The following CEP57 variants were observed in gnomAD, a reference collection of about 807,000 sequenced individuals.
CEP57 encodes the protein centrosomal protein 57.
CEP57 carries 40 observed loss-of-function variants against 68.0 expected under a neutral mutation model. The ratio of observed to expected loss-of-function variants is 0.59; its 90% CI spans 0.46 to 0.77. CEP57 has a LOEUF of 0.77. Among genes scored for constraint, CEP57 ranks in the 30% least tolerant of loss-of-function variants. The pLI, the probability that CEP57 is intolerant of heterozygous loss-of-function variation, is 0.00. For missense variants in CEP57, 606 were observed against 580.7 expected (o/e 1.04, Z -0.45); for synonymous variants, 219 against 198.7 (o/e 1.10, Z -0.86).
intron 2 of CEP57, among the ~76,000 whole-genome samples, chr11:95,810,130 GCCTTCAACAAAATTCAGCAGC>G (rs1461013133): frequency 1.3e-5 from 2 of 152,078 alleles, no homozygotes; most frequent in African/African-American, 2.4e-5. Context: ...TGCAGAAAAG[GCCTTCAACAAAATTCAGCAGC>G]CCTTCATGCT....
At chr11:95,822,826 T>C (rs1862571218) in intron 8 of CEP57, 1 of 485,826 alleles carries the variant, frequency 2.1e-6, no homozygotes, top group Non-Finnish European at 3.8e-6. Flanking sequence ...AGACCCTAAG[T>C]TGAAGAAGGT....
At chr11:95,799,883 C>A (rs929505798) in intron 2 of CEP57, among the ~76,000 whole-genome samples, 1 of 152,186 alleles carries the variant, frequency 6.6e-6, no homozygotes, top group Non-Finnish European at 1.5e-5. Flanking sequence ...TCATAGCTTA[C>A]ATAATAAATT....
chr11:95,813,526 G>A lies in CEP57; in HGVS notation c.441G>A (p.Leu147=), dbSNP rs1466397089. 5.6e-6 allele frequency: 9 copies of A among 1,612,976 alleles called. No homozygotes were observed. The highest frequency in any genetic ancestry group is 7.6e-6 in the Non-Finnish European group (9 of 1,179,880). ...ENKCNLLEKQ[L]EYMRNMIKHA... ...AATGCAATCTATTAGAAAAACAATT[G>A]GAATACATGCGAAATATGATAAAGC... Residue 147 remains leucine (L), a synonymous_variant, in exon 4 of 11, where the codon TTG becomes TTA. Transcript: ENST00000325542.
rs1325758115 is a variant in CEP57, at chr11:95,821,871, T to C, written c.700T>C (p.Leu234=). The change falls in exon 7 of 11, where the codon TTG becomes CTG. Residue 234 remains leucine, a splice_region_variant and synonymous_variant. Transcript: ENST00000325542. ...RKRMQAKAAE[L]QTGLETNRLI... ...AACTTGAGGCTCTCATTTTTCCTAG[T>C]TGCAGACTGGTCTAGAAACAAATAG... The C allele has an allele frequency of 6.2e-7, 1 of 1,602,370 alleles. No individual in the cohort carries two copies. Among genetic ancestry groups the C allele is most frequent in the Admixed American group, 1.7e-5 (1 of 59,970 alleles).
At chr11:95,792,303 G>A (rs1861121869) in intron 1 of CEP57, among the ~76,000 whole-genome samples, 1 of 152,162 alleles carries the variant, frequency 6.6e-6, no homozygotes, top group South Asian at 2.1e-4. Flanking sequence ...CAAAAGTTAA[G>A]CACTTGGAGA....
chr11:95,828,572 G>C (rs1862857739), intron 9 of CEP57, among the ~76,000 whole-genome samples: 1 of 152,150 alleles, frequency 6.6e-6, no homozygotes, highest in Non-Finnish European at 1.5e-5. Flanking sequence ...TCTGGCACCT[G>C]ACATCACATT....
chr11:95,791,185 AGTC>A (rs1311302418), intron 1 of CEP57, among the ~76,000 whole-genome samples: 1 of 152,096 alleles, frequency 6.6e-6, no homozygotes, highest in Non-Finnish European at 1.5e-5. Flanking sequence ...AGCGCTTACT[AGTC>A]GTTGCTTATG....
intron 2 of CEP57, among the ~76,000 whole-genome samples, chr11:95,802,797 C>T (rs184362088): frequency 3.0e-3 from 452 of 152,214 alleles, no homozygotes; most frequent in Non-Finnish European, 4.6e-3. Flanking sequence ...CCTCACAGGC[C>T]CTGGGAAAGG....
At chr11:95,816,301 C>T (rs1169746622) in intron 4 of CEP57, among the ~76,000 whole-genome samples, 4 of 152,170 alleles carry the variant, frequency 2.6e-5, no homozygotes, top group Non-Finnish European at 5.9e-5. Context: ...GGAACCACCA[C>T]GATGATCTAA....
chr11:95,815,196 G>C (rs1257060226), intron 4 of CEP57: 1 of 152,192 alleles, frequency 6.6e-6, no homozygotes, highest in Non-Finnish European at 1.5e-5. Flanking sequence ...TCAGCTTTCA[G>C]TTCTCATTGG....
At chr11:95,804,868 T>C (rs954203297) in intron 2 of CEP57, among the ~76,000 whole-genome samples, 1 of 136,782 alleles carries the variant, frequency 7.3e-6, no homozygotes, top group African/African-American at 3.7e-5. Flanking sequence ...ATGGGTGTGA[T>C]TTTTTTCCTT....
At chr11:95,790,777 C>T in intron 1 of CEP57, 34 bp downstream of exon 1, 1 of 1,611,746 alleles carries the variant, frequency 6.2e-7, no homozygotes, top group South Asian at 1.1e-5. Flanking sequence ...GGCCCCACGT[C>T]GGCCCTAAGC....
chr11:95,803,215 A>G (rs1351417410), intron 2 of CEP57, among the ~76,000 whole-genome samples: 1 of 152,198 alleles, frequency 6.6e-6, no homozygotes, highest in African/African-American at 2.4e-5. Context: ...AGGACAGATG[A>G]CACAAAAAAA....
chr11:95,813,580 A>G lies in CEP57; in HGVS notation c.495A>G (p.Leu165=). Residue 165 remains leucine (L), a synonymous_variant, in exon 4 of 11, where the codon TTA becomes TTG. Transcript: ENST00000325542. ...KHAEMERTSV[L]EKQVSLERER... ...CCGAAATGGAGAGGACATCTGTCTT[A>G]GAGAAACAAGTAAGTAAAGCACCTC... The G allele has an allele frequency of 6.2e-7, 1 of 1,613,002 alleles. No homozygotes were observed. Among genetic ancestry groups the G allele is most frequent in the Non-Finnish European group, 8.5e-7 (1 of 1,179,924 alleles).
At chr11:95,799,431 C>G in intron 2 of CEP57, 43 bp downstream of exon 2, 1 of 1,609,846 alleles carries the variant, frequency 6.2e-7, no homozygotes, top group South Asian at 1.1e-5. Context: ...TGTTTTCTTG[C>G]TGCTTTAAAA....
chr11:95,824,305 G>A (rs1179329620), intron 8 of CEP57, among the ~76,000 whole-genome samples: 1 of 152,076 alleles, frequency 6.6e-6, no homozygotes, highest in Non-Finnish European at 1.5e-5. Flanking sequence ...TACTCTAGCA[G>A]GTGCCAAAAC....
chr11:95,793,612 T>C (rs1464258098), intron 1 of CEP57, among the ~76,000 whole-genome samples: 5 of 152,206 alleles, frequency 3.3e-5, no homozygotes, highest in African/African-American at 9.7e-5. Context: ...TTATAATGTA[T>C]GGTATTTATA....
chr11:95,822,061 C>G, intron 7 of CEP57, 83 bp downstream of exon 7: 2 of 904,522 alleles, frequency 2.2e-6, no homozygotes. Flanking sequence ...GTGTGGTGTA[C>G]TACAACCTTG....
chr11:95,790,166 G>A (rs751770289), upstream of CEP57: 3 of 170,238 alleles, frequency 1.8e-5, no homozygotes, highest in Non-Finnish European at 3.9e-5. Flanking sequence ...CTGGAGAGGC[G>A]TCCCCGAGGC....
Sources: gnomAD v4.1 joint callset for allele counts (sites outside exome capture counted in the v4.1 genomes callset) on GRCh38, gnomAD v4.1.1 for gene constraint, MANE v1.5 for transcripts, NCBI Gene and HGNC (gene_info 2026-07-23, HGNC 2026-07-21) for gene names.